The following CDH8 variants were observed in gnomAD, a reference collection of about 807,000 sequenced individuals.
The protein encoded by CDH8 is cadherin 8.
In CDH8, 17 loss-of-function variants were observed where a neutral mutation model predicts 68.1. The ratio of observed to expected loss-of-function variants is 0.25; its 90% CI spans 0.17 to 0.37. The LOEUF (loss-of-function observed/expected upper bound fraction) is 0.37. Ranked by LOEUF, CDH8 falls within the 10% of genes least tolerant of loss-of-function variation. The probability of loss-of-function intolerance (pLI) is 1.00; values close to 1 mark genes in which losing one functional copy is unlikely to be tolerated. For synonymous variants in CDH8, 372 were observed against 365.1 expected (o/e 1.02, Z -0.21); for missense variants, 763 against 999.3 (o/e 0.76, Z 3.19).
chr16:61,978,701 G>A (rs1377814265), intron 2 of CDH8, among the ~76,000 whole-genome samples: 2 of 152,116 alleles, frequency 1.3e-5, no homozygotes, highest in African/African-American at 2.4e-5. Context: ...GCTCGTGTAT[G>A]TTGTAAGTGA....
intron 2 of CDH8, among the ~76,000 whole-genome samples, chr16:61,946,598 A>G (rs1461089843): frequency 1.3e-5 from 2 of 152,176 alleles, no homozygotes; most frequent in African/African-American, 4.8e-5. Flanking sequence ...AATCATGCTT[A>G]TTTAATAGGT....
At chr16:61,804,583 A>C (rs1961752708) in intron 7 of CDH8, among the ~76,000 whole-genome samples, 1 of 149,302 alleles carries the variant, frequency 6.7e-6, no homozygotes. Context: ...AAGACTAATA[A>C]AGAAAAAAAG....
At chr16:62,008,587 A>G (rs971105077) in intron 2 of CDH8, among the ~76,000 whole-genome samples, 3 of 152,034 alleles carry the variant, frequency 2.0e-5, no homozygotes, top group African/African-American at 7.2e-5. Context: ...TGCAGCCTCC[A>G]ACTCCCGGGC....
chr16:61,756,167 C>T (rs1259891571), intron 8 of CDH8, among the ~76,000 whole-genome samples: 1 of 152,102 alleles, frequency 6.6e-6, no homozygotes, highest in African/African-American at 2.4e-5. Context: ...TCTCCCAAAA[C>T]ACTGATATTT....
At chr16:61,857,482 T>C (rs1963068624) in intron 3 of CDH8, among the ~76,000 whole-genome samples, 1 of 152,176 alleles carries the variant, frequency 6.6e-6, no homozygotes. Flanking sequence ...AAGATTACTT[T>C]GTAGCTTTCA....
intron 3 of CDH8, among the ~76,000 whole-genome samples, chr16:61,897,496 AAAATGGACTTGATGTTTGC>A (rs1479255484): frequency 6.6e-6 from 1 of 152,196 alleles, no homozygotes; most frequent in African/African-American, 2.4e-5. Context: ...TTCTTATCTG[AAAATGGACTTGATGTTTGC>A]AGATATTTCT....
intron 5 of CDH8, 125 bp from the exon 6 acceptor site, chr16:61,821,238 T>C (rs953210011): frequency 1.5e-5 from 9 of 592,556 alleles, no homozygotes; most frequent in African/African-American, 7.4e-5. Context: ...AATAAAGTGA[T>C]AGAAAAGACA....
chr16:61,917,136 GGAGGA>G (rs1331019827), intron 2 of CDH8, among the ~76,000 whole-genome samples: 1 of 150,978 alleles, frequency 6.6e-6, no homozygotes, highest in African/African-American at 2.4e-5. Flanking sequence ...GTTGGGAGTA[GGAGGA>G]GAGAACTGGG....
chr16:61,941,999 C>A (rs765832854), intron 2 of CDH8, among the ~76,000 whole-genome samples: 14 of 152,202 alleles, frequency 9.2e-5, no homozygotes, highest in Non-Finnish European at 2.1e-4. Flanking sequence ...TGACCCCTCT[C>A]TTCTCACAAA....
At chr16:61,849,953 T>C (rs1962904561) in intron 4 of CDH8, among the ~76,000 whole-genome samples, 1 of 152,166 alleles carries the variant, frequency 6.6e-6, no homozygotes, top group Admixed American at 6.6e-5. Context: ...ATGGGACATA[T>C]ATTTTTTCAA....
chr16:61,762,592 A>G (rs1960497715), intron 8 of CDH8, among the ~76,000 whole-genome samples: 1 of 152,084 alleles, frequency 6.6e-6, no homozygotes, highest in South Asian at 2.1e-4. Context: ...GAAAAATTCA[A>G]ATTCTCAGGC....
At chr16:61,778,342 A>C (rs1327104652) in intron 8 of CDH8, among the ~76,000 whole-genome samples, 3 of 152,138 alleles carry the variant, frequency 2.0e-5, no homozygotes, top group Non-Finnish European at 4.4e-5. Flanking sequence ...TGCCTGCTTC[A>C]TTATGAGGGC....
At chr16:61,822,385 C>T (rs534602714) in intron 5 of CDH8, among the ~76,000 whole-genome samples, 2 of 151,470 alleles carry the variant, frequency 1.3e-5, no homozygotes, top group Admixed American at 6.6e-5. Context: ...AAAAGTTTTA[C>T]TCTCCTTGCA....
intron 10 of CDH8, among the ~76,000 whole-genome samples, chr16:61,663,968 C>T (rs1387336160): frequency 2.0e-5 from 3 of 151,970 alleles, no homozygotes; most frequent in Non-Finnish European, 4.4e-5. Flanking sequence ...ATTTGAGTTT[C>T]TTCCCCCAAG....
chr16:61,984,843 G>A (rs149639970), intron 2 of CDH8, among the ~76,000 whole-genome samples: 56 of 152,100 alleles, frequency 3.7e-4, no homozygotes, highest in African/African-American at 8.9e-4. Context: ...GATTTTTTGC[G>A]TATAGTATAA....
chr16:61,870,159 T>C (rs1027147779), intron 3 of CDH8, among the ~76,000 whole-genome samples: 9 of 152,312 alleles, frequency 5.9e-5, no homozygotes, highest in African/African-American at 1.9e-4. Flanking sequence ...GACTTCATAA[T>C]ATCACATCTT....
At chr16:62,020,885 G>A (rs1397131) in intron 2 of CDH8, among the ~76,000 whole-genome samples, 76,319 of 152,006 alleles carry the variant, frequency 0.5, 20,356 homozygotes, top group East Asian at 0.71. Context: ...GAAAGAAAAC[G>A]TTATTTGTTT....
intron 7 of CDH8, among the ~76,000 whole-genome samples, chr16:61,794,139 A>T (rs774090450): frequency 8.5e-5 from 13 of 152,084 alleles, no homozygotes; most frequent in Non-Finnish European, 1.8e-4. Flanking sequence ...AGTTCTTTAC[A>T]GGCCTATGAA....
chr16:61,896,056 T>C (rs541419239), intron 3 of CDH8, among the ~76,000 whole-genome samples: 1 of 151,774 alleles, frequency 6.6e-6, no homozygotes, highest in East Asian at 1.9e-4. Context: ...AGGATTAAAA[T>C]ACACTTGACC....
Sources: allele counts gnomAD v4.1 joint callset (sites outside exome capture counted in the v4.1 genomes callset), GRCh38; gene constraint gnomAD v4.1.1; transcripts MANE v1.5; gene names NCBI Gene and HGNC (gene_info 2026-07-23, HGNC 2026-07-21).